The following ARID4B variants were observed in gnomAD, a reference collection of about 807,000 sequenced individuals.
The protein encoded by ARID4B is AT-rich interactive domain-containing protein 4B.
In ARID4B, 26 loss-of-function variants were observed where a neutral mutation model predicts 147.5. That is an observed-to-expected ratio of 0.18 (90% CI 0.13 to 0.24). The LOEUF is 0.24. ARID4B is among the 10% of genes least tolerant of loss of function. The probability of loss-of-function intolerance (pLI) is 1.00; values close to 1 mark genes in which losing one functional copy is unlikely to be tolerated. For synonymous variants in ARID4B, 512 were observed against 507.9 expected (o/e 1.01, Z -0.11); for missense variants, 1,179 against 1,511.5 (o/e 0.78, Z 3.65).
At chr1:235,268,920 G>A (rs977709174) in intron 2 of ARID4B, among the ~76,000 whole-genome samples, 2 of 152,188 alleles carry the variant, frequency 1.3e-5, no homozygotes, top group East Asian at 3.8e-4. Flanking sequence ...ATTAATGATA[G>A]GGACATTTCA....
chr1:235,288,600 A>G (rs371224781), intron 2 of ARID4B, among the ~76,000 whole-genome samples: 1 of 152,318 alleles, frequency 6.6e-6, no homozygotes, highest in East Asian at 1.9e-4. Context: ...GGAATTTGCC[A>G]TGGTTATTTA....
chr1:235,251,840 A>C (rs1669664892), intron 6 of ARID4B, among the ~76,000 whole-genome samples: 1 of 152,182 alleles, frequency 6.6e-6, no homozygotes, highest in African/African-American at 2.4e-5. Context: ...TCTACCTTTT[A>C]AATTCTGAAT....
chr1:235,320,170 T>C (rs548331141), intron 2 of ARID4B, among the ~76,000 whole-genome samples: 6 of 150,218 alleles, frequency 4.0e-5, no homozygotes, highest in Admixed American at 6.6e-5. Flanking sequence ...CCAGGCGTGG[T>C]GGCAGGTGCC....
Position 235,181,694 on chromosome 1 carries a change from A to G in ARID4B, c.3225T>C (p.Ala1075=). 8.7e-6 allele frequency: 14 copies of G among 1,614,136 alleles called. No homozygotes were observed. Among genetic ancestry groups the G allele is most frequent in the Non-Finnish European group, 1.2e-5 (14 of 1,180,016 alleles). The stretch of plus-strand genomic sequence containing the variant: ...CAGACTGGAGGTCTTGGAGCTCCCC[A>G]GCAACACTATCCACCTCAATTGTGC... The part of the protein sequence containing the change: ...TDSTIEVDSV[A]GELQDLQSEG... Residue 1075 remains alanine (A), a synonymous_variant, in exon 20 of 24, where the codon GCT becomes GCC. Transcript: ENST00000264183.
chr1:235,186,097 G>A (rs1015368636), intron 19 of ARID4B, among the ~76,000 whole-genome samples: 1 of 151,666 alleles, frequency 6.6e-6, no homozygotes, highest in Non-Finnish European at 1.5e-5. Context: ...AGCCTCCTGA[G>A]TAGCTGGGAC....
chr1:235,203,035 T>C (rs1264299269), intron 17 of ARID4B, among the ~76,000 whole-genome samples: 1 of 152,096 alleles, frequency 6.6e-6, no homozygotes, highest in Non-Finnish European at 1.5e-5. Flanking sequence ...AAGAAGACAA[T>C]ACTAAACAGT....
chr1:235,298,518 CGT>C (rs1558291207), intron 2 of ARID4B, among the ~76,000 whole-genome samples: 4 of 145,994 alleles, frequency 2.7e-5, no homozygotes, highest in Non-Finnish European at 6.0e-5. Flanking sequence ...ATGAATATAA[CGT>C]ATATTTATAT....
rs1572007367 is a variant in ARID4B at position 235,219,671 on chromosome 1, C to T, written c.1583+122G>A. The stretch of plus-strand genomic sequence containing the variant: ...TGAATGCTATTTAATTAATAAATGC[C>T]AATCACTCTATTATTTAATATTTTG... On this transcript the variant is annotated intron_variant, in intron 16 of 23. Transcript: ENST00000264183. 5 of 738,642 alleles carry T rather than the reference C, an allele frequency of 6.8e-6. No homozygotes were observed. In the East Asian group the frequency reaches 1.6e-4, roughly 23 times the overall value. 45.8% of individuals were successfully genotyped at this position (738,642 alleles called of 1,614,324 possible). A position where few individuals can be genotyped will look rare whatever the true frequency, so the allele number is the denominator to read the frequency against.
chr1:235,288,790 C>A (rs780680791), intron 2 of ARID4B, among the ~76,000 whole-genome samples: 2 of 152,160 alleles, frequency 1.3e-5, no homozygotes, highest in Non-Finnish European at 2.9e-5. Context: ...CCCAAATTCT[C>A]CCAAGGAATT....
chr1:235,284,365 GA>G (rs1388231921), intron 2 of ARID4B, among the ~76,000 whole-genome samples: 2 of 151,732 alleles, frequency 1.3e-5, no homozygotes, highest in Non-Finnish European at 2.9e-5. Context: ...GTCTCTGGGG[GA>G]AAAAAAATTC....
At chr1:235,172,880 T>C in intron 22 of ARID4B, 116 bp from the exon 23 acceptor site, 1 of 835,456 alleles carries the variant, frequency 1.2e-6, no homozygotes, top group Non-Finnish European at 1.7e-6. Context: ...ACTAAAAAAC[T>C]AAGGCTTCTG....
chr1:235,235,264 C>CT (rs1351963899), intron 8 of ARID4B, among the ~76,000 whole-genome samples: 1 of 152,102 alleles, frequency 6.6e-6, no homozygotes. Context: ...TTTGGGACTA[C>CT]TAAGTTTTAG....
chr1:235,315,278 T>A (rs961634452), intron 2 of ARID4B, among the ~76,000 whole-genome samples: 5 of 152,050 alleles, frequency 3.3e-5, no homozygotes, highest in African/African-American at 1.2e-4. Context: ...ACAAAAAAAT[T>A]TAGCGAGGCA....
chr1:235,230,961 T>G (rs1668188077), intron 10 of ARID4B, 152 bp downstream of exon 10: 3 of 557,102 alleles, frequency 5.4e-6, no homozygotes, highest in Non-Finnish European at 9.4e-6. Context: ...AGAAGACACA[T>G]GGGTTTATAA....
At chr1:235,290,725 G>T (rs909295265) in intron 2 of ARID4B, among the ~76,000 whole-genome samples, 1 of 152,230 alleles carries the variant, frequency 6.6e-6, no homozygotes, top group African/African-American at 2.4e-5. Context: ...CAGAGACGGG[G>T]AGACAACTTT....
intron 17 of ARID4B, among the ~76,000 whole-genome samples, chr1:235,210,600 T>C (rs1018026378): frequency 9.9e-5 from 15 of 152,232 alleles, no homozygotes; most frequent in Non-Finnish European, 1.9e-4. Flanking sequence ...GAAGATTAAC[T>C]GCTTAATCTA....
Position 235,285,774 on chromosome 1 carries a change from T to C in ARID4B, c.7-25022A>G, listed in dbSNP as rs568341020. Among the ~76,000 whole-genome samples, 10 of 152,296 alleles carry C rather than the reference T, an allele frequency of 6.6e-5. No individual in the cohort carries two copies. The East Asian group carries it at 7.7e-4, about 12-fold the overall frequency. ...AGGATACACAATATAGAGAAGTCAA[T>C]AGGATTCCTATACATTAGCAACAAT... On this transcript the variant is annotated intron_variant, in intron 2 of 23. Coordinates refer to ENST00000264183, the MANE Select transcript of ARID4B (RefSeq NM_016374.6).
chr1:235,306,625 A>G (rs1673586959), intron 2 of ARID4B, among the ~76,000 whole-genome samples: 2 of 152,318 alleles, frequency 1.3e-5, no homozygotes, highest in South Asian at 4.1e-4. Flanking sequence ...ATGTGAATAT[A>G]TAATTTTAGG....
At chr1:235,296,012 C>A in intron 2 of ARID4B, 1 of 155,862 alleles carries the variant, frequency 6.4e-6, no homozygotes, top group Non-Finnish European at 1.4e-5. Context: ...CACCTAAGGA[C>A]AGCCCAAAAC....
Sources: gnomAD v4.1 joint callset for allele counts (sites outside exome capture counted in the v4.1 genomes callset) on GRCh38, gnomAD v4.1.1 for gene constraint, MANE v1.5 for transcripts, NCBI Gene and HGNC (gene_info 2026-07-23, HGNC 2026-07-21) for gene names.